Variants in ZNF385D observed in about 807,000 individuals in gnomAD.
ZNF385D encodes the protein zinc finger protein 385D.
A neutral mutation model predicts 35.8 loss-of-function variants in ZNF385D; 15 were observed. The ratio of observed to expected loss-of-function variants is 0.42; its 90% CI spans 0.28 to 0.64. The LOEUF is 0.64. Among genes scored for constraint, ZNF385D ranks in the 30% least tolerant of loss-of-function variants. ZNF385D has a pLI of 0.23. For synonymous variants in ZNF385D, 212 were observed against 186.8 expected (o/e 1.13, Z -1.10); for missense variants, 474 against 494.6 (o/e 0.96, Z 0.39).
chr3:22,141,833 G>C (rs1026809242), intron 3 of ZNF385D, among the ~76,000 whole-genome samples: 6 of 152,198 alleles, frequency 3.9e-5, no homozygotes, highest in Non-Finnish European at 8.8e-5. Context: ...CCTAGAAACA[G>C]TAAATACCTT....
At chr3:22,319,407 GT>G (rs1028682273) in intron 2 of ZNF385D, among the ~76,000 whole-genome samples, 1 of 151,670 alleles carries the variant, frequency 6.6e-6, no homozygotes, top group Non-Finnish European at 1.5e-5. Flanking sequence ...TATTGAAATA[GT>G]TTTTATATAA....
intron 3 of ZNF385D, among the ~76,000 whole-genome samples, chr3:21,552,667 AAGAAAC>A (rs904580229): frequency 1.1e-4 from 16 of 152,206 alleles, no homozygotes; most frequent in Admixed American, 1.0e-3. Flanking sequence ...ATATAGACCA[AAGAAAC>A]TGCAATGAGT....
intron 3 of ZNF385D, among the ~76,000 whole-genome samples, chr3:22,061,929 T>C (rs1699707259): frequency 6.6e-6 from 1 of 152,238 alleles, no homozygotes; most frequent in Non-Finnish European, 1.5e-5. Flanking sequence ...GGTTGCTTCA[T>C]CCCCAGCACC....
At chr3:21,693,765 T>G (rs1363869984) in intron 1 of ZNF385D, among the ~76,000 whole-genome samples, 4 of 152,056 alleles carry the variant, frequency 2.6e-5, no homozygotes, top group Non-Finnish European at 5.9e-5. Context: ...ATAAATGTTT[T>G]ATGAATTTAA....
chr3:22,315,361 T>C (rs1703827903), intron 2 of ZNF385D, among the ~76,000 whole-genome samples: 1 of 152,182 alleles, frequency 6.6e-6, no homozygotes, highest in African/African-American at 2.4e-5. Flanking sequence ...TATTAAGAGA[T>C]ACATCAAGGT....
intron 2 of ZNF385D, among the ~76,000 whole-genome samples, chr3:22,306,980 TAG>T (rs1247882031): frequency 6.6e-6 from 1 of 152,148 alleles, no homozygotes; most frequent in African/African-American, 2.4e-5. Flanking sequence ...ACACATGCAT[TAG>T]AGTTTCAAGA....
Position 22,338,402 on chromosome 3 carries a change from A to G in ZNF385D, c.106+34048T>C, listed in dbSNP as rs889832665. ...GTTACTTTTGATAACATAGAATTCC[A>G]TAACAGTTTAGTAATTGAAGACCTA... On this transcript the variant is annotated intron_variant, in intron 2 of 5. Transcript: ENST00000494108. Among the ~76,000 whole-genome samples, 4 of 152,316 alleles carry G rather than the reference A, an allele frequency of 2.6e-5. No homozygotes were observed. The East Asian group carries it at 5.8e-4, about 22-fold the overall frequency.
intron 3 of ZNF385D, among the ~76,000 whole-genome samples, chr3:21,898,509 T>A (rs1012978106): frequency 6.6e-6 from 1 of 152,170 alleles, no homozygotes; most frequent in Non-Finnish European, 1.5e-5. Context: ...TTATTTATAC[T>A]TCTAGTCTGC....
chr3:21,456,169 A>T (rs1483269223), intron 4 of ZNF385D, among the ~76,000 whole-genome samples: 6 of 152,298 alleles, frequency 3.9e-5, no homozygotes, highest in South Asian at 2.1e-4. Context: ...ATTGTGGAAG[A>T]CAGTGTGGTG....
chr3:21,977,769 G>C (rs1236534485), intron 3 of ZNF385D, among the ~76,000 whole-genome samples: 2 of 152,094 alleles, frequency 1.3e-5, no homozygotes, highest in African/African-American at 4.8e-5. Flanking sequence ...CCAGCAATTG[G>C]AGGTTACGGT....
chr3:21,635,063 A>G (rs1331026968), intron 2 of ZNF385D, among the ~76,000 whole-genome samples: 1 of 152,146 alleles, frequency 6.6e-6, no homozygotes, highest in African/African-American at 2.4e-5. Flanking sequence ...ATAGAAACCC[A>G]TAGACCACGT....
intron 3 of ZNF385D, among the ~76,000 whole-genome samples, chr3:22,077,226 A>G (rs1366183642): frequency 1.3e-5 from 2 of 151,910 alleles, no homozygotes; most frequent in Non-Finnish European, 2.9e-5. Context: ...TTACTCTTTT[A>G]CTGTATAATT....
intron 2 of ZNF385D, among the ~76,000 whole-genome samples, chr3:21,626,849 C>G (rs970707490): frequency 2.0e-5 from 3 of 151,960 alleles, no homozygotes; most frequent in Non-Finnish European, 2.9e-5. Flanking sequence ...TATAAGTAGG[C>G]AGGGATCTCA....
chr3:21,843,424 G>A (rs1467289964), intron 3 of ZNF385D, among the ~76,000 whole-genome samples: 1 of 151,864 alleles, frequency 6.6e-6, no homozygotes, highest in Admixed American at 6.6e-5. Context: ...AGAGAAATGC[G>A]AGCCTGTTGT....
At chr3:22,021,934 C>CT (rs1697246904) in intron 3 of ZNF385D, among the ~76,000 whole-genome samples, 2 of 152,122 alleles carry the variant, frequency 1.3e-5, no homozygotes, top group South Asian at 4.1e-4. Flanking sequence ...GTTTGACGGC[C>CT]TCTGTTCTCA....
At chr3:21,466,110 A>G (rs1703498139) in intron 4 of ZNF385D, among the ~76,000 whole-genome samples, 1 of 152,196 alleles carries the variant, frequency 6.6e-6, no homozygotes. Flanking sequence ...AGCCCTGCAA[A>G]TAATGTCTTC....
At chr3:22,230,729 C>A (rs953053765) in intron 2 of ZNF385D, among the ~76,000 whole-genome samples, 1 of 152,082 alleles carries the variant, frequency 6.6e-6, no homozygotes, top group Non-Finnish European at 1.5e-5. Flanking sequence ...AAAAATTTGG[C>A]CGGTTTTCAT....
intron 2 of ZNF385D, among the ~76,000 whole-genome samples, chr3:22,239,988 G>C (rs1430314004): frequency 6.7e-6 from 1 of 148,846 alleles, no homozygotes; most frequent in Admixed American, 6.7e-5. Context: ...ATCAGTCTGG[G>C]CAACATGGCA....
intron 3 of ZNF385D, among the ~76,000 whole-genome samples, chr3:21,556,429 C>T (rs9817908): frequency 0.68 from 103,012 of 151,834 alleles, 35,727 homozygotes; most frequent in African/African-American, 0.83. Context: ...CCAGTTTCAG[C>T]TTTCTGCATA....
Sources: gnomAD v4.1 joint callset for allele counts (sites outside exome capture counted in the v4.1 genomes callset) on GRCh38, gnomAD v4.1.1 for gene constraint, MANE v1.5 for transcripts, NCBI Gene and HGNC (gene_info 2026-07-23, HGNC 2026-07-21) for gene names.